Variants in DDX52 observed in about 807,000 individuals in gnomAD.
DDX52 encodes DExD-box helicase 52.
Under a neutral mutation model 76.1 loss-of-function variants are expected in DDX52, and 59 were observed. The observed-to-expected ratio is 0.78, with a 90% CI of 0.63 to 0.96. DDX52 has a LOEUF of 0.96. Ranked by LOEUF, DDX52 falls within the 40% of genes least tolerant of loss-of-function variation. The probability of loss-of-function intolerance (pLI) is 0.00; values close to 1 mark genes in which losing one functional copy is unlikely to be tolerated. For missense variants in DDX52, 707 were observed against 703.9 expected, an observed-to-expected ratio of 1.00 and a Z score of -0.05; for synonymous variants, 231 against 244.1, an observed-to-expected ratio of 0.95 and a Z score of 0.50.
intron 9 of DDX52, among the ~76,000 whole-genome samples, chr17:37,623,094 C>T (rs187155933): frequency 4.6e-5 from 7 of 152,288 alleles, no homozygotes; most frequent in Non-Finnish European, 8.8e-5. Context: ...CAAACTTTTC[C>T]CTTCTAGCCT....
At chr17:37,639,495 T>C (rs2147369579) in intron 2 of DDX52, 5 of 989,928 alleles carry the variant, frequency 5.1e-6, no homozygotes, top group Non-Finnish European at 6.0e-6. Flanking sequence ...CCCAGCACTT[T>C]GGGAGCCCAA....
chr17:37,621,270 TTA>T lies in DDX52; in HGVS notation c.1356_1357del (p.Asp452GlufsTer25). Reference sequence around the variant, plus strand: ...TCCTGCTCTGAAACTGTGGACTGTGTTATCTCTCTGGTTAACAGAATATATAT... The same window carrying T: ...TCCTGCTCTGAAACTGTGGACTGTGTTCTCTCTGGTTAACAGAATATATAT... On this transcript the variant is annotated frameshift_variant, in exon 11 of 15. Coordinates refer to ENST00000617633, the MANE Select transcript of DDX52 (RefSeq NM_007010.5). LOFTEE classifies it high-confidence loss of function. 1.9e-6 allele frequency: 3 copies of T among 1,610,514 alleles called. No homozygotes were observed. Among genetic ancestry groups the T allele is most frequent in the Non-Finnish European group, 2.5e-6 (3 of 1,178,906 alleles).
chr17:37,624,252 G>T lies in DDX52; in HGVS notation c.1227+92C>A, dbSNP rs1054963019. ...ATTACTGAATACGAGCCAAGATGAT[G>T]ATGATACAGTGCTACCACTGTAATA... is the stretch of plus-strand genomic sequence containing the variant. On this transcript the variant is annotated intron_variant, in intron 9 of 14. Coordinates refer to ENST00000617633, the MANE Select transcript of DDX52 (RefSeq NM_007010.5). 1.7e-5 allele frequency: 14 copies of T among 826,600 alleles called. No homozygotes were observed. In the African/African-American group the frequency reaches 1.9e-4, roughly 11 times the overall value. 51.2% of individuals were successfully genotyped at this position (826,600 alleles called of 1,614,324 possible).
intron 1 of DDX52, 45 bp from the exon 2 acceptor site, chr17:37,642,353 AT>A: frequency 1.3e-6 from 2 of 1,561,982 alleles, no homozygotes; most frequent in Non-Finnish European, 1.7e-6. Flanking sequence ...ACAGAATACC[AT>A]TGCTTTCATT....
chr17:37,643,229 C>T, intron 1 of DDX52, 105 bp downstream of exon 1: 1 of 1,234,072 alleles, frequency 8.1e-7, no homozygotes, highest in Non-Finnish European at 1.1e-6. Flanking sequence ...TGGCGAGAGC[C>T]AGGCCACGGG....
chr17:37,631,670 A>G (rs2030687914), intron 4 of DDX52: 1 of 162,384 alleles, frequency 6.2e-6, no homozygotes, highest in Admixed American at 5.9e-5. Context: ...CAGTTTATGT[A>G]CAAGAACTTT....
Position 37,624,327 on chromosome 17 carries a change from A to G in DDX52, c.1227+17T>C, listed in dbSNP as rs1224857544. Reference sequence around the variant, plus strand: ...TGGCAAACTTTACCAAAATTCAAGAAGGTAATACAAATATACCTTTTTAAC... The same window carrying G: ...TGGCAAACTTTACCAAAATTCAAGAGGGTAATACAAATATACCTTTTTAAC... On this transcript the variant is annotated intron_variant, in intron 9 of 14. Transcript: ENST00000617633. 2 of 1,593,614 alleles carry G rather than the reference A, an allele frequency of 1.3e-6. No individual in the cohort carries two copies. The highest frequency in any genetic ancestry group is 2.7e-5 in the African/African-American group (2 of 74,386).
Position 37,643,402 on chromosome 17 carries a change from A to G in DDX52, c.19T>C (p.Phe7Leu), listed in dbSNP as rs779002130. The G allele has an allele frequency of 1.9e-6, 3 of 1,614,020 alleles. No individual in the cohort carries two copies. Among genetic ancestry groups the G allele is most frequent in the Admixed American group, 1.7e-5 (1 of 60,024 alleles). The stretch of plus-strand genomic sequence containing the variant: ...TTGGCCCCCGCGCCGAGCCGGCGAA[A>G]GAGATCGTGGACGTCCATCTTTACC... MDVHDL[F>L]RRLGAGAKFD... Residue 7 changes from phenylalanine to leucine, a missense_variant, in exon 1 of 15, where the codon TTT becomes CTT. By Grantham distance (22) the Phe-to-Leu change is conservative (BLOSUM62 0). Coordinates refer to ENST00000617633, the MANE Select transcript of DDX52 (RefSeq NM_007010.5).
chr17:37,623,327 A>C (rs1393080879), intron 9 of DDX52, among the ~76,000 whole-genome samples: 2 of 152,164 alleles, frequency 1.3e-5, no homozygotes, highest in Non-Finnish European at 2.9e-5. Context: ...CGGGAGACTG[A>C]GGTAGGAGAA....
intron 9 of DDX52, among the ~76,000 whole-genome samples, chr17:37,623,059 C>G (rs967735249): frequency 2.0e-5 from 3 of 152,148 alleles, no homozygotes; most frequent in Admixed American, 2.0e-4. Flanking sequence ...CTAAAGCAAA[C>G]CATTCTATAG....
In DDX52 at chr17:37,621,920, T is replaced by C. The variant is rs118171717; in HGVS notation, c.1228-400A>G. On this transcript the variant is annotated intron_variant, in intron 9 of 14. Transcript: ENST00000617633. Reference sequence around the variant, plus strand: ...GGTGAAATTAATTTTTTTATTCTTATGGATTTAGGGGTACAGGTGCATTTG... The same window carrying C: ...GGTGAAATTAATTTTTTTATTCTTACGGATTTAGGGGTACAGGTGCATTTG... Among the ~76,000 whole-genome samples, 622 of 152,320 alleles carry C rather than the reference T, an allele frequency of 4.1e-3. 3 individuals carry two copies. Among genetic ancestry groups the C allele is most frequent in the Non-Finnish European group, 7.6e-3 (518 of 68,022 alleles).
intron 5 of DDX52, among the ~76,000 whole-genome samples, chr17:37,629,227 AT>A (rs2030552847): frequency 3.4e-5 from 3 of 88,442 alleles, no homozygotes; most frequent in African/African-American, 1.5e-4. Context: ...CCAAGAAAAA[AT>A]ACACACACAC....
rs1319850027 is a variant in DDX52 at position 37,612,426 on chromosome 17, A to G, written c.*1870T>C. 2 of 152,158 alleles carry G rather than the reference A, an allele frequency of 1.3e-5. No individual in the cohort carries two copies. Among genetic ancestry groups the G allele is most frequent in the Admixed American group, 1.3e-4 (2 of 15,268 alleles). 9.4% of individuals were successfully genotyped at this position (152,158 alleles called of 1,614,324 possible). On this transcript the variant is annotated 3_prime_UTR_variant, in exon 15 of 15. Transcript: ENST00000617633. The stretch of plus-strand genomic sequence containing the variant: ...AGTATAGGTTAAGTGTGCAGTGTTT[A>G]TACAAGTCTACATGTTCCAACTGTC...
At position 37,634,191 on chromosome 17, in the gene DDX52, C is replaced by T. The variant is rs111437712; in HGVS notation, c.287-773G>A. On this transcript the variant is annotated intron_variant, in intron 2 of 14. Coordinates refer to ENST00000617633, the MANE Select transcript of DDX52 (RefSeq NM_007010.5). ...CTCAAACACCTGACCTCAAGTGATC[C>T]GCCCGCCTCGGCCTCTCACAGTGCT... 8.0e-3 allele frequency among the ~76,000 whole-genome samples: 1,214 copies of T among 151,416 alleles called. 14 individuals carry two copies. The highest frequency in any genetic ancestry group is 0.028 in the African/African-American group (1,143 of 41,396).
At chr17:37,615,660 AC>A (rs752208827) in intron 14 of DDX52, among the ~76,000 whole-genome samples, 1 of 151,106 alleles carries the variant, frequency 6.6e-6, no homozygotes, top group African/African-American at 2.4e-5. Context: ...AGTCTGGGTG[AC>A]AGATTGAGAC....
chr17:37,629,714 A>C (rs1317329605), intron 5 of DDX52, among the ~76,000 whole-genome samples: 1 of 152,162 alleles, frequency 6.6e-6, no homozygotes, highest in Non-Finnish European at 1.5e-5. Context: ...AACTAAGATG[A>C]GTATTCATTT....
chr17:37,628,443 A>C, intron 6 of DDX52, 118 bp downstream of exon 6: 1 of 834,484 alleles, frequency 1.2e-6, no homozygotes, highest in South Asian at 1.7e-5. Context: ...GTTCTTCTAA[A>C]ATTCAAATTT....
intron 14 of DDX52, among the ~76,000 whole-genome samples, chr17:37,617,596 C>A (rs1368403621): frequency 1.3e-5 from 2 of 152,226 alleles, no homozygotes; most frequent in Non-Finnish European, 2.9e-5. Context: ...TTACAATGTG[C>A]ATCTGCGTAA....
At chr17:37,631,231 C>T (rs1228173168) in intron 4 of DDX52, 2 of 152,184 alleles carry the variant, frequency 1.3e-5, no homozygotes, top group Non-Finnish European at 2.9e-5. Flanking sequence ...CTAAGTTAAT[C>T]CATACCTCTA....
Sources: allele counts gnomAD v4.1 joint callset (sites outside exome capture counted in the v4.1 genomes callset), GRCh38; gene constraint gnomAD v4.1.1; transcripts MANE v1.5; gene names NCBI Gene and HGNC (gene_info 2026-07-23, HGNC 2026-07-21).